Variants in DYNC1LI2 observed in about 807,000 individuals in gnomAD.
The protein encoded by DYNC1LI2 is cytoplasmic dynein 1 light intermediate chain 2.
A neutral mutation model predicts 57.8 loss-of-function variants in DYNC1LI2; 19 were observed. That is an observed-to-expected ratio of 0.33 (90% confidence interval 0.23 to 0.48). The LOEUF (loss-of-function observed/expected upper bound fraction) is 0.48, where lower values mean the gene tolerates loss of function less well. Among genes scored for constraint, DYNC1LI2 ranks in the 20% least tolerant of loss-of-function variants. DYNC1LI2 has a pLI of 0.99. For synonymous variants in DYNC1LI2, 256 were observed against 233.4 expected, an observed-to-expected ratio of 1.10 and a Z score of -0.88; for missense variants, 470 against 604.2, an observed-to-expected ratio of 0.78 and a Z score of 2.33.
In DYNC1LI2 at chr16:66,741,004, T is replaced by C. The variant is rs546914151; in HGVS notation, c.529+1434A>G. ...ATCACAAAATAAATTCAGTGTTTCA[T>C]GGAAATTTAAGCCCCCCAGAAGCAG... On this transcript the variant is annotated intron_variant, in intron 4 of 12. Transcript: ENST00000258198. Among the ~76,000 whole-genome samples the C allele has an allele frequency of 2.6e-5, 4 of 152,326 alleles. No homozygotes were observed. In the East Asian group the frequency reaches 7.7e-4, roughly 29 times the overall value.
Position 66,751,491 on chromosome 16 carries a change from C to T in DYNC1LI2, c.101G>A (p.Ser34Asn), listed in dbSNP as rs1479950869. 6.3e-7 allele frequency: 1 copy of T among 1,589,974 alleles called. No individual in the cohort carries two copies. Among genetic ancestry groups the T allele is most frequent in the Admixed American group, 1.7e-5 (1 of 57,926 alleles). ...DLTSEEEEGQ[S>N]LWSSILSEVS... The stretch of plus-strand genomic sequence containing the variant: ...CGACCGCCCGCGGCCTCACCATAGG[C>T]TCTGGCCTTCCTCCTCCTCACTGGT... The change falls in exon 1 of 13, where the codon AGC (serine) becomes AAC (asparagine). Residue 34 changes from serine to asparagine, a missense_variant. Ser to Asn is a conservative substitution (Grantham distance 46, BLOSUM62 1). Coordinates refer to ENST00000258198, the MANE Select transcript of DYNC1LI2 (RefSeq NM_006141.3). This position sits in a 1 kb window ranked among gnomAD's most constrained non-coding sequence, Gnocchi z 5.2.
rs111508783 is a variant in DYNC1LI2 at position 66,732,994 on chromosome 16, C to A, written c.794-520G>T. 7.5e-3 allele frequency: 1,140 copies of A among 152,426 alleles called. 9 individuals are homozygous for A. The highest frequency in any genetic ancestry group is 0.012 in the Non-Finnish European group (819 of 68,140). 9.4% of individuals were successfully genotyped at this position (152,426 alleles called of 1,614,324 possible). A position where few individuals can be genotyped will look rare whatever the true frequency, so the allele number is the denominator to read the frequency against. On this transcript the variant is annotated intron_variant, in intron 6 of 12. Coordinates refer to ENST00000258198, the MANE Select transcript of DYNC1LI2 (RefSeq NM_006141.3). ...CAGGAACTCATCTCTCACCTCCACCCCAGGGTGTGGAACCACGGCACCAAC... is the reference window on the plus strand; with the variant it reads ...CAGGAACTCATCTCTCACCTCCACCACAGGGTGTGGAACCACGGCACCAAC...
intron 8 of DYNC1LI2, among the ~76,000 whole-genome samples, chr16:66,729,404 G>A (rs995104668): frequency 6.6e-6 from 1 of 151,948 alleles, no homozygotes; most frequent in Non-Finnish European, 1.5e-5. Flanking sequence ...GGACTTAATG[G>A]GAAACACCAC....
chr16:66,725,591 C>A (rs575016783), intron 12 of DYNC1LI2, among the ~76,000 whole-genome samples: 2 of 152,174 alleles, frequency 1.3e-5, no homozygotes, highest in Non-Finnish European at 2.9e-5. Context: ...TCACCCAACA[C>A]CCAGTTCCCG....
chr16:66,729,181 C>T (rs557924084), intron 8 of DYNC1LI2, 82 bp from the exon 9 acceptor site: 25 of 1,493,608 alleles, frequency 1.7e-5, no homozygotes, highest in South Asian at 3.4e-5. Context: ...AAGGAGAGTC[C>T]GAGGCTCAGG....
chr16:66,743,025 C>A (rs1378493443), intron 3 of DYNC1LI2, among the ~76,000 whole-genome samples: 1 of 151,876 alleles, frequency 6.6e-6, no homozygotes, highest in Non-Finnish European at 1.5e-5. Context: ...AGCCGGGCAT[C>A]GTGACACTCG....
intron 12 of DYNC1LI2, chr16:66,724,643 A>T (rs1028802135): frequency 2.0e-5 from 3 of 152,180 alleles, no homozygotes; most frequent in African/African-American, 7.2e-5. Flanking sequence ...GAGATCTCCA[A>T]GACATAGACC....
At chr16:66,742,778 A>G in intron 3 of DYNC1LI2, 110 bp from the exon 4 acceptor site, 6 of 1,269,738 alleles carry the variant, frequency 4.7e-6, no homozygotes, top group Non-Finnish European at 6.5e-6. Flanking sequence ...TGAATTCTAA[A>G]TAGAATGCAA....
intron 11 of DYNC1LI2, among the ~76,000 whole-genome samples, chr16:66,727,167 C>T (rs1163332133): frequency 6.6e-6 from 1 of 152,186 alleles, no homozygotes; most frequent in East Asian, 1.9e-4. Context: ...ATCCTCCCAC[C>T]TTGGCCTCCC....
intron 5 of DYNC1LI2, among the ~76,000 whole-genome samples, chr16:66,735,797 C>G (rs969781617): frequency 3.3e-5 from 5 of 152,176 alleles, no homozygotes; most frequent in Admixed American, 6.5e-5. Flanking sequence ...TGAGCCACCG[C>G]AACTGGCCAA....
intron 3 of DYNC1LI2, among the ~76,000 whole-genome samples, chr16:66,747,451 C>A (rs1167024733): frequency 2.0e-5 from 3 of 152,042 alleles, no homozygotes; most frequent in African/African-American, 7.2e-5. Flanking sequence ...TCAACTTTGT[C>A]ATTTTAGCAA....
At chr16:66,735,193 T>A (rs1333965479) in intron 5 of DYNC1LI2, among the ~76,000 whole-genome samples, 2 of 148,802 alleles carry the variant, frequency 1.3e-5, no homozygotes, top group Non-Finnish European at 3.0e-5. Context: ...AACCTCAGCC[T>A]CCCAGCTCAA....
chr16:66,723,713 T>G lies in DYNC1LI2; in HGVS notation c.*9A>C, dbSNP rs145329067. The G allele has an allele frequency of 6.3e-7, 1 of 1,597,776 alleles. No individual in the cohort carries two copies. Among genetic ancestry groups the G allele is most frequent in the African/African-American group, 1.4e-5 (1 of 73,504 alleles). ...TTGGTCATTCGACATATGCACTTTTTAAGGAGGTTCAGGCTTCATTTTCTG... is the reference window on the plus strand; with the variant it reads ...TTGGTCATTCGACATATGCACTTTTGAAGGAGGTTCAGGCTTCATTTTCTG... On this transcript the variant is annotated 3_prime_UTR_variant, in exon 13 of 13. Transcript: ENST00000258198.
Position 66,749,185 on chromosome 16 carries a change from T to C in DYNC1LI2, c.298+12A>G. The C allele has an allele frequency of 6.2e-7, 1 of 1,613,496 alleles. No homozygotes were observed. Among genetic ancestry groups the C allele is most frequent in the Non-Finnish European group, 8.5e-7 (1 of 1,179,418 alleles). ...ATACACCCCCTTACCATGGGACCAA[T>C]GCTTCACTCACCATCTCGGTCCTCA... On this transcript the variant is annotated intron_variant, in intron 3 of 12. Coordinates refer to ENST00000258198, the MANE Select transcript of DYNC1LI2 (RefSeq NM_006141.3).
At chr16:66,734,145 CTTTA>C in intron 6 of DYNC1LI2, 69 bp downstream of exon 6, 1 of 1,429,642 alleles carries the variant, frequency 7.0e-7, no homozygotes, top group Non-Finnish European at 9.8e-7. Context: ...TTGGGAGGTG[CTTTA>C]TCTCTTTGAA....
rs527509893 is a variant in DYNC1LI2 at position 66,749,104 on chromosome 16, G to C, written c.298+93C>G. The C allele has an allele frequency of 5.0e-5, 61 of 1,225,318 alleles. No homozygotes were observed. In the South Asian group the frequency reaches 7.5e-4, roughly 15 times the overall value. 75.9% of individuals were successfully genotyped at this position (1,225,318 alleles called of 1,614,324 possible). ...CTCTCTGAGAACCAAACAGAAAACTGAGAATGCCTGGCCATGCTGCAGGAA... is the reference window on the plus strand; with the variant it reads ...CTCTCTGAGAACCAAACAGAAAACTCAGAATGCCTGGCCATGCTGCAGGAA... On this transcript the variant is annotated intron_variant, in intron 3 of 12. Coordinates refer to ENST00000258198, the MANE Select transcript of DYNC1LI2 (RefSeq NM_006141.3).
Position 66,751,595 on chromosome 16 carries a change from G to A in DYNC1LI2, c.-4C>T. ...TCTCCACCCCCACCGGCGCCATCTT[G>A]CCAACTGCAGCCACAAAGAGGGCCC... On this transcript the variant is annotated 5_prime_UTR_variant, in exon 1 of 13. Transcript: ENST00000258198. This position sits in a 1 kb window ranked among gnomAD's most constrained non-coding sequence, Gnocchi z 5.2. The A allele has an allele frequency of 6.4e-7, 1 of 1,571,160 alleles. No individual in the cohort carries two copies.
rs539499349 is a variant in DYNC1LI2, at chr16:66,736,651, C to T, written c.530-407G>A. Among the ~76,000 whole-genome samples, 22 of 152,274 alleles carry T rather than the reference C, an allele frequency of 1.4e-4. No individual in the cohort carries two copies. The South Asian group carries it at 4.1e-3, about 29-fold the overall frequency. On this transcript the variant is annotated intron_variant, in intron 4 of 12. Transcript: ENST00000258198. ...TAGCTGGGACTAAAGGCATGTGCCACCATGCCCAGCTACTTTTTAAATTTT... is the reference window on the plus strand; with the variant it reads ...TAGCTGGGACTAAAGGCATGTGCCATCATGCCCAGCTACTTTTTAAATTTT...
chr16:66,745,877 C>T (rs2017927164), intron 3 of DYNC1LI2, among the ~76,000 whole-genome samples: 1 of 151,378 alleles, frequency 6.6e-6, no homozygotes, highest in African/African-American at 2.4e-5. Context: ...GCACTCCAGC[C>T]TGGATGACAG....
Sources: allele counts gnomAD v4.1 joint callset (sites outside exome capture counted in the v4.1 genomes callset), GRCh38; gene constraint gnomAD v4.1.1; non-coding constraint Gnocchi (gnomAD v3.1); transcripts MANE v1.5; gene names NCBI Gene and HGNC (gene_info 2026-07-23, HGNC 2026-07-21).